The following SLC44A5 variants were observed in gnomAD, a reference collection of about 807,000 sequenced individuals.
The protein encoded by SLC44A5 is solute carrier family 44 member 5, also known as choline transporter-like protein 5.
SLC44A5 carries 57 observed loss-of-function variants against 101.8 expected under a neutral mutation model. The observed-to-expected ratio is 0.56, with a 90% CI of 0.45 to 0.70. The LOEUF (loss-of-function observed/expected upper bound fraction) is 0.70. Among genes scored for constraint, SLC44A5 ranks in the 30% least tolerant of loss-of-function variants. SLC44A5 has a pLI of 0.00. For missense variants in SLC44A5, 737 were observed against 853.1 expected (o/e 0.86, Z 1.70); for synonymous variants, 281 against 290.9 (o/e 0.97, Z 0.35).
At chr1:75,279,007 A>G (rs1366571024) in intron 5 of SLC44A5, among the ~76,000 whole-genome samples, 3 of 152,098 alleles carry the variant, frequency 2.0e-5, no homozygotes, top group South Asian at 2.1e-4. Flanking sequence ...TCAAATCAGG[A>G]TAATTGGAAT....
At chr1:75,276,449 C>CT (rs983312993) in intron 5 of SLC44A5, among the ~76,000 whole-genome samples, 9 of 151,922 alleles carry the variant, frequency 5.9e-5, no homozygotes, top group South Asian at 4.2e-4. Flanking sequence ...ATGCCTTATT[C>CT]TTTTTTTTGT....
At chr1:75,262,211 T>A (rs150882444) in intron 6 of SLC44A5, among the ~76,000 whole-genome samples, 5 of 152,322 alleles carry the variant, frequency 3.3e-5, no homozygotes, top group African/African-American at 1.2e-4. Flanking sequence ...TGTTTGCAGA[T>A]GACATGATTG....
the SLC44A5 span, among the ~76,000 whole-genome samples, chr1:75,654,369 A>AAG: frequency 3.9e-5 from 6 of 152,340 alleles, no homozygotes; most frequent in Non-Finnish European, 7.4e-5. Flanking sequence ...GCACATTCTA[A>AAG]ATTGTCAGAT....
chr1:75,560,719 TC>T, intron 1 of SLC44A5, among the ~76,000 whole-genome samples: 1 of 152,240 alleles, frequency 6.6e-6, no homozygotes, highest in East Asian at 1.9e-4. Flanking sequence ...AGCCAGTGCC[TC>T]CAGAGATGGA....
At chr1:75,632,664 A>G in the SLC44A5 span, among the ~76,000 whole-genome samples, 1 of 152,150 alleles carries the variant, frequency 6.6e-6, no homozygotes, top group African/African-American at 2.4e-5. Flanking sequence ...GTTCTATATA[A>G]TGGCACTTGT....
intron 2 of SLC44A5, among the ~76,000 whole-genome samples, chr1:75,430,364 C>A (rs562730238): frequency 1.9e-4 from 29 of 152,182 alleles, no homozygotes; most frequent in Middle Eastern, 3.4e-3. Flanking sequence ...GAGCTCCCAG[C>A]CTCCAGAACT....
intron 3 of SLC44A5, among the ~76,000 whole-genome samples, chr1:75,365,489 A>G (rs1054247458): frequency 7.9e-5 from 12 of 152,204 alleles, no homozygotes; most frequent in Non-Finnish European, 1.3e-4. Flanking sequence ...TGTTTCCTCA[A>G]GGATCTAGAG....
At chr1:75,661,261 G>C in the SLC44A5 span, among the ~76,000 whole-genome samples, 4 of 151,684 alleles carry the variant, frequency 2.6e-5, no homozygotes, top group Admixed American at 1.3e-4. Context: ...TCAATAAATG[G>C]TGCTGAGAAA....
Position 75,238,504 on chromosome 1 carries a change from C to T in SLC44A5, c.656+9G>A. 1.3e-6 allele frequency: 2 copies of T among 1,580,730 alleles called. No homozygotes were observed. Among genetic ancestry groups the T allele is most frequent in the Non-Finnish European group, 1.7e-6 (2 of 1,165,932 alleles). ...ATCAAACTGAAAATTAGAATGTAAA[C>T]ACACATACTTTGCAGCAATCCCGAG... On this transcript the variant is annotated intron_variant, in intron 10 of 23. Transcript: ENST00000370859.
intron 1 of SLC44A5, among the ~76,000 whole-genome samples, chr1:75,606,586 A>G (rs970744101): frequency 6.6e-6 from 1 of 151,962 alleles, no homozygotes; most frequent in Non-Finnish European, 1.5e-5. Context: ...AAAACCCTTC[A>G]AAACAGTTAA....
At chr1:75,617,354 T>C in the SLC44A5 span, among the ~76,000 whole-genome samples, 1 of 152,130 alleles carries the variant, frequency 6.6e-6, no homozygotes, top group Non-Finnish European at 1.5e-5. Context: ...AGTACTAGTG[T>C]GGTGCGGCAA....
chr1:75,549,282 T>C (rs1671813104), intron 1 of SLC44A5, among the ~76,000 whole-genome samples: 1 of 152,154 alleles, frequency 6.6e-6, no homozygotes, highest in African/African-American at 2.4e-5. Context: ...TAGGACTGTA[T>C]GTTGTTCTTA....
At chr1:75,537,033 A>AAAAAAAAAAAAAAAAAAAAATATATATAT (rs35829590) in intron 2 of SLC44A5, among the ~76,000 whole-genome samples, 1 of 43,026 alleles carries the variant, frequency 2.3e-5, no homozygotes, top group Non-Finnish European at 5.8e-5. Flanking sequence ...AAAAAAAAAA[A>AAAAAAAAAAAAAAAAAAAAATATATATAT]ATATATATCT....
At chr1:75,623,130 C>A in the SLC44A5 span, among the ~76,000 whole-genome samples, 1 of 152,050 alleles carries the variant, frequency 6.6e-6, no homozygotes, top group Non-Finnish European at 1.5e-5. Context: ...ATAGTTCATA[C>A]ATTCATAGTA....
At chr1:75,431,879 T>C (rs1009986261) in intron 2 of SLC44A5, among the ~76,000 whole-genome samples, 1 of 152,176 alleles carries the variant, frequency 6.6e-6, no homozygotes, top group Admixed American at 6.5e-5. Flanking sequence ...AGTCAGAAAG[T>C]AATGTCTCTG....
At chr1:75,642,141 T>G in the SLC44A5 span, 1 of 839,562 alleles carries the variant, frequency 1.2e-6, no homozygotes, top group African/African-American at 1.7e-5. Context: ...TAAAACTGCC[T>G]GTAAATAAAT....
rs1442427629 is a variant in SLC44A5, at chr1:75,234,030, A to G, written c.809T>C (p.Leu270Pro). 1 of 1,613,470 alleles carries G rather than the reference A, an allele frequency of 6.2e-7. No homozygotes were observed. The highest frequency in any genetic ancestry group is 8.5e-7 in the Non-Finnish European group (1 of 1,179,656). ...CACACCAATCATGAAGACCCAGAAG[A>G]GGCATCCAGCTATGAACCTCAGAAG... ...LILLRFIAGC[L>P]FWVFMIGVIG... Residue 270 changes from leucine to proline, a missense_variant, in exon 12 of 24, where the codon CTC becomes CCC. Physicochemically the swap from Leu to Pro is moderately conservative, Grantham distance 98. Transcript: ENST00000370859.
At chr1:75,451,932 T>C (rs1284731156) in intron 2 of SLC44A5, among the ~76,000 whole-genome samples, 1 of 152,176 alleles carries the variant, frequency 6.6e-6, no homozygotes, top group Non-Finnish European at 1.5e-5. Context: ...AAACACTTGA[T>C]CTTAGCCAAA....
At chr1:75,651,880 T>C in the SLC44A5 span, among the ~76,000 whole-genome samples, 1 of 151,958 alleles carries the variant, frequency 6.6e-6, no homozygotes, top group African/African-American at 2.4e-5. Context: ...CATCAGGTTG[T>C]GATCGGGCAG....
Sources: gnomAD v4.1 joint callset for allele counts (sites outside exome capture counted in the v4.1 genomes callset) on GRCh38, gnomAD v4.1.1 for gene constraint, MANE v1.5 for transcripts, NCBI Gene and HGNC (gene_info 2026-07-23, HGNC 2026-07-21) for gene names.